GFOD1: variants seen among roughly 807,000 people sequenced by gnomAD.
The protein encoded by GFOD1 is glucose-fructose oxidoreductase domain-containing protein 1.
Under a neutral mutation model 25.4 loss-of-function variants are expected in GFOD1, and 9 were observed. That is an observed-to-expected ratio of 0.35 (90% CI 0.21 to 0.62). The LOEUF is 0.62. Among genes scored for constraint, GFOD1 ranks in the 20% least tolerant of loss-of-function variants. The probability of loss-of-function intolerance (pLI) is 0.72; values close to 1 mark genes in which losing one functional copy is unlikely to be tolerated. For synonymous variants in GFOD1, 253 were observed against 245.6 expected (o/e 1.03, Z -0.28); for missense variants, 403 against 556.9 (o/e 0.72, Z 2.78).
chr6:13,458,297 T>A (rs1451941210), intron 1 of GFOD1, among the ~76,000 whole-genome samples: 1 of 152,138 alleles, frequency 6.6e-6, no homozygotes, highest in Non-Finnish European at 1.5e-5. Flanking sequence ...TTTGTATTTT[T>A]AGTAGAGACA....
chr6:13,432,243 T>G (rs1481827784), intron 1 of GFOD1, among the ~76,000 whole-genome samples: 17 of 150,104 alleles, frequency 1.1e-4, no homozygotes, highest in African/African-American at 4.2e-4. Flanking sequence ...TTTTTTTTTT[T>G]GAGATGGGGG....
intron 1 of GFOD1, among the ~76,000 whole-genome samples, chr6:13,480,043 C>A (rs944895973): frequency 6.6e-6 from 1 of 152,200 alleles, no homozygotes; most frequent in Non-Finnish European, 1.5e-5. Flanking sequence ...CCTCTCTCAA[C>A]CCCATTTCCT....
chr6:13,430,667 G>A lies in GFOD1; in HGVS notation c.253+55971C>T, dbSNP rs1683882364. 6.6e-6 allele frequency among the ~76,000 whole-genome samples: 1 copy of A among 152,052 alleles called. No homozygotes were observed. The highest frequency in any genetic ancestry group is 6.5e-5 in the Admixed American group (1 of 15,268). On this transcript the variant is annotated intron_variant, in intron 1 of 1. Coordinates refer to ENST00000379287, the MANE Select transcript of GFOD1 (RefSeq NM_018988.4). This position sits in a 1 kb window ranked among gnomAD's most constrained non-coding sequence, Gnocchi z 4.1. ...AAGAAGCTCTTGGAGTCCACCTATG[G>A]CAGGAGTAGTGGGACAGCGGGTAGG...
In GFOD1 at chr6:13,456,816, C is replaced by T. The variant is rs139342565; in HGVS notation, c.253+29822G>A. On this transcript the variant is annotated intron_variant, in intron 1 of 1. Transcript: ENST00000379287. Reference sequence around the variant, plus strand: ...GAGCCTCCTGGGAATGAAAACCTTCCTATTCAGACAATCACAGGGACATTA... The same window carrying T: ...GAGCCTCCTGGGAATGAAAACCTTCTTATTCAGACAATCACAGGGACATTA... 4.2e-3 allele frequency among the ~76,000 whole-genome samples: 645 copies of T among 152,282 alleles called. 4 individuals carry two copies. The highest frequency in any genetic ancestry group is 0.015 in the African/African-American group (628 of 41,566).
chr6:13,385,490 A>T (rs1785450331), intron 1 of GFOD1, among the ~76,000 whole-genome samples: 1 of 152,212 alleles, frequency 6.6e-6, no homozygotes, highest in African/African-American at 2.4e-5. Flanking sequence ...TGGACAGAAG[A>T]TAGGAATGTG....
intron 1 of GFOD1, among the ~76,000 whole-genome samples, chr6:13,429,609 C>T (rs920788016): frequency 1.3e-5 from 2 of 152,196 alleles, no homozygotes; most frequent in African/African-American, 2.4e-5. Flanking sequence ...TAGACACTGG[C>T]GCTCTAAGAA....
rs1163288949 is a variant in GFOD1 at position 13,426,616 on chromosome 6, AC to A, written c.253+60021del. Among the ~76,000 whole-genome samples, 3 of 152,102 alleles carry A rather than the reference AC, an allele frequency of 2.0e-5. No homozygotes were observed. The East Asian group carries it at 5.8e-4, about 29-fold the overall frequency. ...AATCCCCTGCTGGTGTTCTGAAGGC[AC>A]CCGAGGTAGGTGAGGTCCAGGGAGC... On this transcript the variant is annotated intron_variant, in intron 1 of 1. Coordinates refer to ENST00000379287, the MANE Select transcript of GFOD1 (RefSeq NM_018988.4).
At chr6:13,384,888 C>G (rs565814893) in intron 1 of GFOD1, among the ~76,000 whole-genome samples, 1 of 152,204 alleles carries the variant, frequency 6.6e-6, no homozygotes, top group Non-Finnish European at 1.5e-5. Flanking sequence ...GACTTCCTTG[C>G]CCATGAGGTT....
intron 1 of GFOD1, among the ~76,000 whole-genome samples, chr6:13,410,450 G>T (rs984252969): frequency 6.6e-6 from 1 of 151,726 alleles, no homozygotes; most frequent in South Asian, 2.1e-4. Flanking sequence ...GCCTGTAATC[G>T]CAGCTACTCG....
intron 1 of GFOD1, among the ~76,000 whole-genome samples, chr6:13,457,149 C>G (rs967959819): frequency 6.6e-6 from 1 of 152,188 alleles, no homozygotes. Context: ...AGGAGCTTAA[C>G]CTTCCCAGAA....
chr6:13,431,489 C>A (rs1025052863), intron 1 of GFOD1, among the ~76,000 whole-genome samples: 3 of 152,232 alleles, frequency 2.0e-5, no homozygotes, highest in African/African-American at 7.2e-5. Context: ...TTCAGTTTCT[C>A]TGTGATCTTT....
intron 1 of GFOD1, among the ~76,000 whole-genome samples, chr6:13,374,911 TTTGTATTTTTTAGTAGAGACAGGATTTC>T (rs1448119764): frequency 6.6e-6 from 1 of 151,852 alleles, no homozygotes; most frequent in African/African-American, 2.4e-5. Context: ...CCCAGCTAAT[TTTGTATTTTTTAGTAGAGACAGGATTTC>T]TCCATGTTGG....
At chr6:13,482,590 A>G (rs1758776270) in intron 1 of GFOD1, among the ~76,000 whole-genome samples, 2 of 152,010 alleles carry the variant, frequency 1.3e-5, no homozygotes, top group Admixed American at 6.6e-5. Context: ...CTACTAAAAA[A>G]TACAAAAATC....
At chr6:13,448,831 CT>C (rs1225153647) in intron 1 of GFOD1, among the ~76,000 whole-genome samples, 2 of 152,172 alleles carry the variant, frequency 1.3e-5, no homozygotes, top group Non-Finnish European at 2.9e-5. Flanking sequence ...CTGAGATGCT[CT>C]GTTCTTAAAG....
chr6:13,365,418 G>C lies in GFOD1; in HGVS notation c.498C>G (p.Asp166Glu). The change falls in exon 2 of 2, where the codon GAC (aspartate) becomes GAG (glutamate). Residue 166 changes from aspartate to glutamate, a missense_variant. Transcript: ENST00000379287. The surrounding 1 kb of genome is among the most constrained non-coding windows in gnomAD (Gnocchi z 9.2). ...AGTGCAGGCCGCCGCCGCCCATCAAGTCGTCGCAGCTCCAGTTGTACTTCT... is the reference window on the plus strand; with the variant it reads ...AGTGCAGGCCGCCGCCGCCCATCAACTCGTCGCAGCTCCAGTTGTACTTCT... ...LGKKYNWSCD[D>E]LMGGGGLHSV... The C allele has an allele frequency of 3.1e-6, 5 of 1,614,012 alleles. No individual in the cohort carries two copies. The highest frequency in any genetic ancestry group is 4.2e-6 in the Non-Finnish European group (5 of 1,179,998).
Position 13,365,915 on chromosome 6 carries a change from AATAATAATG to A in GFOD1, c.254-262_254-254del, listed in dbSNP as rs1389508790. 2.1e-4 allele frequency among the ~76,000 whole-genome samples: 30 copies of A among 146,328 alleles called. No individual in the cohort carries two copies. Among genetic ancestry groups the A allele is most frequent in the African/African-American group, 7.5e-4 (30 of 40,154 alleles). ...TAATAATAATAATAATAATAATAAT[AATAATAATG>A]AGCCGGGCGTGGTGGTGCACGCCTG... On this transcript the variant is annotated intron_variant, in intron 1 of 1. Transcript: ENST00000379287. This position sits in a 1 kb window ranked among gnomAD's most constrained non-coding sequence, Gnocchi z 9.2.
intron 1 of GFOD1, among the ~76,000 whole-genome samples, chr6:13,419,658 C>T (rs1376405209): frequency 6.6e-6 from 1 of 152,196 alleles, no homozygotes; most frequent in African/African-American, 2.4e-5. Flanking sequence ...TCCTCCTCTG[C>T]AGCGCCCGTG....
chr6:13,394,779 C>T lies in GFOD1; in HGVS notation c.254-29117G>A, dbSNP rs147987996. ...TCCCAAGTAGCTGGGATTACAGGCA[C>T]GTGCCACCATGCCCGGCTAATTTTT... On this transcript the variant is annotated intron_variant, in intron 1 of 1. Transcript: ENST00000379287. 2.5e-3 allele frequency among the ~76,000 whole-genome samples: 380 copies of T among 152,030 alleles called. 3 individuals are homozygous for T. Among genetic ancestry groups the T allele is most frequent in the African/African-American group, 8.5e-3 (354 of 41,464 alleles).
At chr6:13,403,729 T>G (rs1584631309) in intron 1 of GFOD1, among the ~76,000 whole-genome samples, 1 of 152,238 alleles carries the variant, frequency 6.6e-6, no homozygotes, top group East Asian at 1.9e-4. Context: ...GCAACATGGA[T>G]GAACCTTGAA....
Sources: gnomAD v4.1 joint callset for allele counts (sites outside exome capture counted in the v4.1 genomes callset) on GRCh38, gnomAD v4.1.1 for gene constraint, Gnocchi (gnomAD v3.1) non-coding constraint, MANE v1.5 for transcripts, NCBI Gene and HGNC (gene_info 2026-07-23, HGNC 2026-07-21) for gene names.